TLDC2: variants seen among roughly 807,000 people sequenced by gnomAD.
TLDC2 encodes the protein TLD domain-containing protein 2.
TLDC2 carries 23 observed loss-of-function variants against 27.9 expected under a neutral mutation model. The observed-to-expected ratio is 0.82, with a 90% confidence interval of 0.59 to 1.17. The LOEUF is 1.17. TLDC2 is among the 50% of genes most tolerant of loss of function. TLDC2 has a pLI of 0.00. For missense variants in TLDC2, 286 were observed against 273.4 expected (o/e 1.05, Z -0.32); for synonymous variants, 124 against 107.4 (o/e 1.16, Z -0.96).
At chr20:36,878,955 G>A in intron 2 of TLDC2, 86 bp from the exon 3 acceptor site, 2 of 1,595,834 alleles carry the variant, frequency 1.3e-6, no homozygotes. Flanking sequence ...TGTGCTGGAT[G>A]CATGCTAGCT....
At chr20:36,881,554 G>A (rs953601100) in intron 4 of TLDC2, among the ~76,000 whole-genome samples, 1 of 152,190 alleles carries the variant, frequency 6.6e-6, no homozygotes, top group African/African-American at 2.4e-5. Flanking sequence ...TTAGGACGCC[G>A]CCACTTCAGT....
At chr20:36,888,893 C>T (rs546517497) in intron 5 of TLDC2, among the ~76,000 whole-genome samples, 8 of 149,438 alleles carry the variant, frequency 5.4e-5, no homozygotes, top group African/African-American at 9.8e-5. Flanking sequence ...TAGTGGTGGG[C>T]GGCCTGTAAT....
chr20:36,893,239 G>A lies in TLDC2; in HGVS notation c.*395G>A. 1 of 732,956 alleles carries A rather than the reference G, an allele frequency of 1.4e-6. No homozygotes were observed. The highest frequency in any genetic ancestry group is 2.3e-6 in the Non-Finnish European group (1 of 438,070). 45.4% of individuals were successfully genotyped at this position (732,956 alleles called of 1,614,324 possible). ...TATGCCCTGTGCTTGGGGCAAATTAGAAACACTACAGTCTTACGCAGGAAG... is the reference window on the plus strand; with the variant it reads ...TATGCCCTGTGCTTGGGGCAAATTAAAAACACTACAGTCTTACGCAGGAAG... On this transcript the variant is annotated 3_prime_UTR_variant, in exon 7 of 7. Coordinates refer to ENST00000217320, the MANE Select transcript of TLDC2 (RefSeq NM_080628.3).
intron 1 of TLDC2, 110 bp downstream of exon 1, chr20:36,876,317 C>T: frequency 7.1e-7 from 1 of 1,405,374 alleles, no homozygotes; most frequent in Non-Finnish European, 1.0e-6. Flanking sequence ...ACTTGTTCCC[C>T]TCTCAAGTCC....
At chr20:36,887,330 T>A (rs148112070) in intron 4 of TLDC2, 125 bp from the exon 5 acceptor site, 2 of 816,890 alleles carry the variant, frequency 2.4e-6, no homozygotes, top group Non-Finnish European at 4.2e-6. Context: ...GAGTCCCACC[T>A]GCGGCTCGGT....
intron 6 of TLDC2, chr20:36,890,427 C>T (rs573877702): frequency 3.8e-4 from 44 of 114,710 alleles, no homozygotes; most frequent in African/African-American, 1.5e-3. Context: ...TCTTTTCTTT[C>T]TCTCTTTCCT....
Position 36,893,050 on chromosome 20 carries a change from G to A in TLDC2, c.*206G>A, listed in dbSNP as rs1217711183. Reference sequence around the variant, plus strand: ...CTTTTTTTGAGGTGTTATGAGTGGGGCTATAACATCGCCATCCTATTAGGA... The same window carrying A: ...CTTTTTTTGAGGTGTTATGAGTGGGACTATAACATCGCCATCCTATTAGGA... On this transcript the variant is annotated 3_prime_UTR_variant, in exon 7 of 7. Transcript: ENST00000217320. The A allele has an allele frequency of 6.2e-7, 1 of 1,613,472 alleles. No homozygotes were observed. The highest frequency in any genetic ancestry group is 2.2e-5 in the East Asian group (1 of 44,878).
intron 4 of TLDC2, among the ~76,000 whole-genome samples, chr20:36,885,919 AGAT>A (rs1159350574): frequency 6.6e-6 from 1 of 152,074 alleles, no homozygotes; most frequent in African/African-American, 2.4e-5. Flanking sequence ...GAAATTTCTG[AGAT>A]GATATTTGGG....
At chr20:36,877,223 A>G (rs1454259392) in intron 1 of TLDC2, among the ~76,000 whole-genome samples, 1 of 152,070 alleles carries the variant, frequency 6.6e-6, no homozygotes, top group Non-Finnish European at 1.5e-5. Flanking sequence ...TCTACTAAAA[A>G]TACAAAAATT....
intron 1 of TLDC2, among the ~76,000 whole-genome samples, chr20:36,877,060 A>G (rs1190240451): frequency 2.6e-5 from 4 of 152,172 alleles, no homozygotes; most frequent in Non-Finnish European, 5.9e-5. Context: ...TTTGGGCTTC[A>G]TTTTCTTCCT....
intron 2 of TLDC2, among the ~76,000 whole-genome samples, chr20:36,878,313 G>A (rs1490704723): frequency 6.6e-6 from 1 of 152,210 alleles, no homozygotes; most frequent in Non-Finnish European, 1.5e-5. Context: ...GGGCGCGGTG[G>A]CTCACGCCTG....
At chr20:36,892,784 GATTAA>G (rs1990107581) in intron 6 of TLDC2, 73 bp from the exon 7 acceptor site, 7 of 995,156 alleles carry the variant, frequency 7.0e-6, no homozygotes, top group Non-Finnish European at 1.1e-5. Flanking sequence ...TTATTTCTTT[GATTAA>G]AAGTTACTTA....
Position 36,879,179 on chromosome 20 carries a change from G to T in TLDC2, c.328G>T (p.Asp110Tyr), listed in dbSNP as rs571259365. The change falls in exon 3 of 7, where the codon GAC becomes TAC. Residue 110 changes from aspartate (D) to tyrosine (Y), a missense_variant. Coordinates refer to ENST00000217320, the MANE Select transcript of TLDC2 (RefSeq NM_080628.3). ...CSGPVLLVLR[D>Y]QDGQIFGAFS... The stretch of plus-strand genomic sequence containing the variant: ...CGGGCCAGTGCTGCTGGTGCTCAGG[G>T]ACCAGGACGGGCAGGTGAGCTGGGC... 1 of 1,613,242 alleles carries T rather than the reference G, an allele frequency of 6.2e-7. No homozygotes were observed. The highest frequency in any genetic ancestry group is 8.5e-7 in the Non-Finnish European group (1 of 1,179,836).
rs769139077 is a variant in TLDC2, at chr20:36,893,620, C to T, written c.*776C>T. The T allele has an allele frequency of 5.6e-5, 20 of 354,668 alleles. 1 individual carries two copies. Among genetic ancestry groups the T allele is most frequent in the African/African-American group, 1.9e-4 (9 of 47,418 alleles). The allele number at this position is 354,668 out of a possible 1,614,324, so 22.0% of individuals were successfully genotyped here. ...GATCCAAAGGGAGGCGATACAATGA[C>T]GTGAAACCATAGAGGTAAGAAGCAA... On this transcript the variant is annotated 3_prime_UTR_variant, in exon 7 of 7. Transcript: ENST00000217320.
rs1372120492 is a variant in TLDC2 at position 36,893,941 on chromosome 20, A to T, written c.*1097A>T. The T allele has an allele frequency of 2.5e-6, 1 of 398,458 alleles. No individual in the cohort carries two copies. Among genetic ancestry groups the T allele is most frequent in the Non-Finnish European group, 4.4e-6 (1 of 226,098 alleles). 24.7% of individuals were successfully genotyped at this position (398,458 alleles called of 1,614,324 possible). On this transcript the variant is annotated 3_prime_UTR_variant, in exon 7 of 7. Coordinates refer to ENST00000217320, the MANE Select transcript of TLDC2 (RefSeq NM_080628.3). ...GCTCTGGTGGGAGACTGGAGGTGAG[A>T]AGAGGGCAGAGAAGTCAGGTTTTTT... is the stretch of plus-strand genomic sequence containing the variant.
chr20:36,878,179 C>T (rs1013349361), intron 2 of TLDC2, 125 bp downstream of exon 2: 4 of 1,078,996 alleles, frequency 3.7e-6, no homozygotes, highest in Non-Finnish European at 5.1e-6. Flanking sequence ...TCATGCGTTA[C>T]CTCCGGCAAA....
At chr20:36,889,564 C>G (rs1048298673) in intron 6 of TLDC2, 161 bp downstream of exon 6, 3 of 787,378 alleles carry the variant, frequency 3.8e-6, no homozygotes, top group Admixed American at 6.5e-5. Context: ...AGGCACTGCT[C>G]TTTTGCAGAG....
At chr20:36,885,941 T>C (rs1264095277) in intron 4 of TLDC2, among the ~76,000 whole-genome samples, 1 of 152,018 alleles carries the variant, frequency 6.6e-6, no homozygotes, top group Non-Finnish European at 1.5e-5. Flanking sequence ...GGCTGAAGGA[T>C]GAGAGGTGGG....
rs537093743 is a variant in TLDC2, at chr20:36,886,470, G to A, written c.439-985G>A. Among the ~76,000 whole-genome samples, 304 of 152,320 alleles carry A rather than the reference G, an allele frequency of 2.0e-3. 1 individual carries two copies. Among genetic ancestry groups the A allele is most frequent in the African/African-American group, 6.8e-3 (281 of 41,566 alleles). On this transcript the variant is annotated intron_variant, in intron 4 of 6. Coordinates refer to ENST00000217320, the MANE Select transcript of TLDC2 (RefSeq NM_080628.3). ...TAGCCGGGCGTGGTGGTGCGTGCCT[G>A]TAGTCCCAGCCACTCAGGAGGCTGA...
Sources: allele counts gnomAD v4.1 joint callset (sites outside exome capture counted in the v4.1 genomes callset), GRCh38; gene constraint gnomAD v4.1.1; transcripts MANE v1.5; gene names NCBI Gene and HGNC (gene_info 2026-07-23, HGNC 2026-07-21).